The following NEK10 variants were observed in gnomAD, a reference collection of about 807,000 sequenced individuals.
NEK10 encodes NIMA related kinase 10.
In NEK10, 122 loss-of-function variants were observed where a neutral mutation model predicts 159.8. The ratio of observed to expected loss-of-function variants is 0.76; its 90% CI spans 0.66 to 0.89. The LOEUF (loss-of-function observed/expected upper bound fraction) is 0.89. Ranked by LOEUF, NEK10 falls within the 40% of genes least tolerant of loss-of-function variation. The pLI, the probability that NEK10 is intolerant of heterozygous loss-of-function variation, is 0.00. For missense variants in NEK10, 1,342 were observed against 1,323.1 expected, an observed-to-expected ratio of 1.01 and a Z score of -0.22; for synonymous variants, 466 against 457.1, an observed-to-expected ratio of 1.02 and a Z score of -0.25.
At chr3:27,348,869 G>A (rs141143428) in intron 3 of NEK10, among the ~76,000 whole-genome samples, 1 of 152,286 alleles carries the variant, frequency 6.6e-6, no homozygotes, top group African/African-American at 2.4e-5. Flanking sequence ...CAAATGTGAA[G>A]CTGTGGAACA....
At chr3:27,346,471 T>TAA (rs2047562614) in intron 3 of NEK10, among the ~76,000 whole-genome samples, 1 of 152,234 alleles carries the variant, frequency 6.6e-6, no homozygotes, top group Admixed American at 6.5e-5. Context: ...TATGTACTTT[T>TAA]AGTCTCCCTT....
intron 30 of NEK10, among the ~76,000 whole-genome samples, chr3:27,144,674 T>C (rs895732936): frequency 6.6e-6 from 1 of 152,210 alleles, no homozygotes; most frequent in Non-Finnish European, 1.5e-5. Context: ...TCTTTGTTCT[T>C]ATTGATTTGT....
intron 22 of NEK10, among the ~76,000 whole-genome samples, chr3:27,283,779 A>T (rs1032769998): frequency 6.6e-6 from 1 of 152,228 alleles, no homozygotes; most frequent in Non-Finnish European, 1.5e-5. Flanking sequence ...TAAAAACTCT[A>T]TGTTGAAATA....
intron 13 of NEK10, among the ~76,000 whole-genome samples, chr3:27,298,516 G>A (rs541814713): frequency 6.6e-6 from 1 of 152,302 alleles, no homozygotes; most frequent in Admixed American, 6.5e-5. Context: ...GACTAATAGA[G>A]TAAATTGGTA....
chr3:27,292,063 C>T (rs561844842), intron 16 of NEK10, among the ~76,000 whole-genome samples: 1 of 152,176 alleles, frequency 6.6e-6, no homozygotes, highest in African/African-American at 2.4e-5. Context: ...AAAAAATACA[C>T]TATTTACAGT....
At position 27,118,791 on chromosome 3, in the gene NEK10, GATTATTTTAAATA is replaced by G. The variant is rs1344989132; in HGVS notation, c.3190+956_3190+968del. Among the ~76,000 whole-genome samples, 3 of 152,182 alleles carry G rather than the reference GATTATTTTAAATA, an allele frequency of 2.0e-5. No individual in the cohort carries two copies. In the East Asian group the frequency reaches 5.8e-4, roughly 29 times the overall value. On this transcript the variant is annotated intron_variant, in intron 33 of 35. Coordinates refer to ENST00000691995, the MANE Select transcript of NEK10 (RefSeq NM_001394966.1). ...AACTTTTTATCTTGGATTTCTCAGA[GATTATTTTAAATA>G]AAATTCTGCATACATAGGGTTTAGC...
intron 30 of NEK10, among the ~76,000 whole-genome samples, chr3:27,149,961 A>G (rs1364504149): frequency 6.6e-6 from 1 of 152,202 alleles, no homozygotes; most frequent in Admixed American, 6.5e-5. Flanking sequence ...TAACAATGAC[A>G]GCCTTATTGC....
In NEK10 at chr3:27,227,931, G is replaced by A. The variant is rs534756568; in HGVS notation, c.2091-25374C>T. Among the ~76,000 whole-genome samples, 48 of 152,272 alleles carry A rather than the reference G, an allele frequency of 3.2e-4. No individual in the cohort carries two copies. In the South Asian group the frequency reaches 7.3e-3, roughly 23 times the overall value. ...AACTGCTTTGTCGAAAAGCATCCAA[G>A]TTAAAGCAGATCTTGTTTAAACTCA... On this transcript the variant is annotated intron_variant, in intron 23 of 35. Coordinates refer to ENST00000691995, the MANE Select transcript of NEK10 (RefSeq NM_001394966.1).
chr3:27,142,525 T>C (rs1490844216), intron 30 of NEK10, among the ~76,000 whole-genome samples: 1 of 150,538 alleles, frequency 6.6e-6, no homozygotes, highest in Non-Finnish European at 1.5e-5. Flanking sequence ...AAAAAAAAGA[T>C]GAAAGTTCCA....
intron 6 of NEK10, among the ~76,000 whole-genome samples, chr3:27,321,333 C>T (rs1242300535): frequency 6.6e-6 from 1 of 152,060 alleles, no homozygotes; most frequent in Non-Finnish European, 1.5e-5. Context: ...TCTGCATGTA[C>T]AAGATGTCCA....
chr3:27,261,562 G>A (rs2040415866), intron 22 of NEK10, among the ~76,000 whole-genome samples: 1 of 152,170 alleles, frequency 6.6e-6, no homozygotes, highest in South Asian at 2.1e-4. Context: ...CTGAGTTCTA[G>A]TTTGATTGCA....
At chr3:27,160,628 A>G (rs1945928544) in intron 30 of NEK10, among the ~76,000 whole-genome samples, 1 of 152,188 alleles carries the variant, frequency 6.6e-6, no homozygotes, top group African/African-American at 2.4e-5. Context: ...CAAAATGGCC[A>G]GGAGTGGTGG....
At chr3:27,292,767 CAAAAAA>C (rs35773318) in intron 16 of NEK10, among the ~76,000 whole-genome samples, 2 of 88,406 alleles carry the variant, frequency 2.3e-5, no homozygotes. Flanking sequence ...GAGCCTTTGT[CAAAAAA>C]AAAAAAAAAA....
At chr3:27,216,087 T>G (rs969350830) in intron 23 of NEK10, among the ~76,000 whole-genome samples, 11 of 152,210 alleles carry the variant, frequency 7.2e-5, no homozygotes, top group African/African-American at 2.7e-4. Context: ...TTCACTGATT[T>G]TAAATTGACA....
chr3:27,346,340 C>G (rs1215837673), intron 3 of NEK10, 124 bp from the exon 4 acceptor site: 1 of 974,720 alleles, frequency 1.0e-6, no homozygotes, highest in Non-Finnish European at 1.6e-6. Context: ...AGATAACAAC[C>G]CTTTCAAATG....
At chr3:27,172,212 G>C (rs2148869187) in intron 28 of NEK10, among the ~76,000 whole-genome samples, 1 of 151,800 alleles carries the variant, frequency 6.6e-6, no homozygotes, top group Non-Finnish European at 1.5e-5. Context: ...GAGCATGCCT[G>C]TAGTCCCAGC....
intron 22 of NEK10, among the ~76,000 whole-genome samples, chr3:27,260,729 C>T (rs1575491538): frequency 6.6e-6 from 1 of 152,158 alleles, no homozygotes; most frequent in African/African-American, 2.4e-5. Context: ...ATGATGCTGG[C>T]CTCATAAAAT....
intron 30 of NEK10, among the ~76,000 whole-genome samples, chr3:27,154,340 G>A (rs972571949): frequency 6.6e-6 from 1 of 152,284 alleles, no homozygotes; most frequent in East Asian, 1.9e-4. Context: ...TCCAGGACCA[G>A]AGGGATTCAC....
intron 5 of NEK10, among the ~76,000 whole-genome samples, chr3:27,326,493 T>C (rs1158981810): frequency 1.3e-5 from 2 of 152,222 alleles, no homozygotes; most frequent in Non-Finnish European, 2.9e-5. Context: ...CATGAGGAAA[T>C]TTCATGACTT....
Sources: allele counts gnomAD v4.1 joint callset (sites outside exome capture counted in the v4.1 genomes callset), GRCh38; gene constraint gnomAD v4.1.1; transcripts MANE v1.5; gene names NCBI Gene and HGNC (gene_info 2026-07-23, HGNC 2026-07-21).